EFHB: variants seen among roughly 807,000 people sequenced by gnomAD.
EFHB encodes the protein EF-hand domain-containing family member B.
Under a neutral mutation model 87.2 loss-of-function variants are expected in EFHB, and 91 were observed. The ratio of observed to expected loss-of-function variants is 1.04; its 90% confidence interval spans 0.88 to 1.24. EFHB has a LOEUF of 1.24. Among genes scored for constraint, EFHB ranks in the 50% most tolerant of loss-of-function variants. The probability of loss-of-function intolerance (pLI) is 0.00; values close to 1 mark genes in which losing one functional copy is unlikely to be tolerated. For synonymous variants in EFHB, 325 were observed against 333.6 expected, an observed-to-expected ratio of 0.97 and a Z score of 0.28; for missense variants, 1,084 against 998.8, an observed-to-expected ratio of 1.09 and a Z score of -1.15.
chr3:19,929,241 G>A (rs1695741542), intron 1 of EFHB, among the ~76,000 whole-genome samples: 1 of 148,900 alleles, frequency 6.7e-6, no homozygotes, highest in South Asian at 2.1e-4. Context: ...GTCTCACTAT[G>A]TTGCCCAGGT....
rs1233681633 is a variant in EFHB at position 19,888,468 on chromosome 3, A to G, written c.1909T>C (p.Tyr637His). 9.0e-6 allele frequency: 14 copies of G among 1,559,848 alleles called. No individual in the cohort carries two copies. Among genetic ancestry groups the G allele is most frequent in the Non-Finnish European group, 1.2e-5 (14 of 1,149,268 alleles). Residue 637 changes from tyrosine to histidine, a missense_variant, in exon 10 of 13, where the codon TAT (tyrosine) becomes CAT (histidine). Tyr to His is a moderately conservative substitution (Grantham distance 83, BLOSUM62 2). Transcript: ENST00000295824. The part of the protein sequence containing the change: ...NWKDKMLLKE[Y>H]EERVIIKGRK... Reference sequence around the variant, plus strand: ...CCTTTAATAATGACCCTCTCTTCATACTCTTTAAGAAGCATTTTGTCTTTC... The same window carrying G: ...CCTTTAATAATGACCCTCTCTTCATGCTCTTTAAGAAGCATTTTGTCTTTC...
intron 9 of EFHB, among the ~76,000 whole-genome samples, chr3:19,890,492 T>C (rs1270874045): frequency 6.6e-6 from 1 of 152,170 alleles, no homozygotes. Context: ...TGGGCACAGT[T>C]TGCAGAGAAG....
At chr3:19,882,252 G>T (rs961811345) in intron 12 of EFHB, among the ~76,000 whole-genome samples, 1 of 151,980 alleles carries the variant, frequency 6.6e-6, no homozygotes, top group Non-Finnish European at 1.5e-5. Flanking sequence ...TAAGGAAGGG[G>T]TTGATCCTGT....
intron 2 of EFHB, 136 bp from the exon 3 acceptor site, chr3:19,920,112 T>C (rs1477550410): frequency 1.1e-6 from 1 of 872,312 alleles, no homozygotes; most frequent in East Asian, 2.5e-5. Context: ...CCCCAAATAA[T>C]GAACATCCCC....
At chr3:19,886,885 T>C (rs762904953) in intron 10 of EFHB, among the ~76,000 whole-genome samples, 2 of 151,960 alleles carry the variant, frequency 1.3e-5, no homozygotes, top group African/African-American at 2.4e-5. Context: ...TCTGAGACAA[T>C]AATAACATTC....
chr3:19,925,190 C>T (rs1000179100), intron 1 of EFHB, among the ~76,000 whole-genome samples: 2 of 147,890 alleles, frequency 1.4e-5, no homozygotes, highest in Non-Finnish European at 3.0e-5. Flanking sequence ...TGCAGTGAGC[C>T]GAGATCCGGC....
intron 1 of EFHB, among the ~76,000 whole-genome samples, chr3:19,924,958 T>A (rs1695567577): frequency 1.3e-5 from 2 of 151,992 alleles, no homozygotes; most frequent in Admixed American, 1.3e-4. Flanking sequence ...TAAATAGAGT[T>A]AGGATGGCCG....
intron 5 of EFHB, among the ~76,000 whole-genome samples, chr3:19,914,122 A>G (rs1695148695): frequency 6.6e-6 from 1 of 152,134 alleles, no homozygotes; most frequent in African/African-American, 2.4e-5. Context: ...TTTTTAATTT[A>G]TTTTTTGTAG....
At chr3:19,900,007 A>T (rs571249928) in intron 6 of EFHB, among the ~76,000 whole-genome samples, 2 of 152,308 alleles carry the variant, frequency 1.3e-5, no homozygotes, top group African/African-American at 4.8e-5. Context: ...TGGGAGGCTG[A>T]GGTTGCAGTG....
rs956996648 is a variant in EFHB, at chr3:19,891,050, G to A, written c.1726-2399C>T. On this transcript the variant is annotated intron_variant, in intron 9 of 12. Coordinates refer to ENST00000295824, the MANE Select transcript of EFHB (RefSeq NM_144715.4). ...TCTCAGCTTTACGTGTAAAAGAGTA[G>A]CAATATTTTTGTTGTTGTTATTGCT... is the stretch of plus-strand genomic sequence containing the variant. 3.4e-5 allele frequency among the ~76,000 whole-genome samples: 5 copies of A among 149,062 alleles called. 1 individual carries two copies. Among genetic ancestry groups the A allele is most frequent in the Admixed American group, 2.7e-4 (4 of 15,082 alleles).
intron 2 of EFHB, 51 bp downstream of exon 2, chr3:19,920,454 T>C: frequency 6.9e-7 from 1 of 1,455,750 alleles, no homozygotes; most frequent in South Asian, 1.2e-5. Context: ...TTCCTTAATG[T>C]TCACATAGAA....
intron 5 of EFHB, among the ~76,000 whole-genome samples, chr3:19,907,636 G>A (rs1694884069): frequency 1.3e-5 from 2 of 152,198 alleles, no homozygotes; most frequent in African/African-American, 4.8e-5. Flanking sequence ...TGAGAGCTGA[G>A]AAACCAACAG....
chr3:19,881,745 T>TC (rs1238105844), intron 12 of EFHB, among the ~76,000 whole-genome samples: 2 of 152,128 alleles, frequency 1.3e-5, no homozygotes, highest in African/African-American at 2.4e-5. Context: ...CATCAACCCT[T>TC]CATCTGAAGT....
chr3:19,924,689 T>A (rs532417434), intron 1 of EFHB, among the ~76,000 whole-genome samples: 3 of 152,206 alleles, frequency 2.0e-5, no homozygotes, highest in Non-Finnish European at 4.4e-5. Context: ...TTTAGGATTC[T>A]TCTCATTTTT....
At chr3:19,928,136 C>T (rs1464497605) in intron 1 of EFHB, among the ~76,000 whole-genome samples, 1 of 151,694 alleles carries the variant, frequency 6.6e-6, no homozygotes, top group African/African-American at 2.4e-5. Context: ...TACAAAAATC[C>T]TAGTGAAACA....
intron 6 of EFHB, 113 bp from the exon 7 acceptor site, chr3:19,899,628 T>A: frequency 1.6e-6 from 1 of 627,624 alleles, no homozygotes. Context: ...GGAACAAATG[T>A]AGTTTCAAAA....
chr3:19,934,309 C>G (rs532686334), upstream of EFHB: 5 of 1,236,854 alleles, frequency 4.0e-6, no homozygotes, highest in African/African-American at 7.7e-5. Context: ...TTCTCTCTCT[C>G]TCTCTCAATC....
intron 12 of EFHB, 76 bp downstream of exon 12, chr3:19,882,474 T>C: frequency 7.7e-7 from 1 of 1,297,596 alleles, no homozygotes; most frequent in Non-Finnish European, 1.0e-6. Flanking sequence ...ATATAAAAAT[T>C]CAAGTTTTTA....
At chr3:19,904,980 C>T (rs74777571) in intron 6 of EFHB, among the ~76,000 whole-genome samples, 30,185 of 151,962 alleles carry the variant, frequency 0.2, 3,476 homozygotes, top group Non-Finnish European at 0.25. Flanking sequence ...AACTAATGAC[C>T]CAATTTTGTT....
Sources: gnomAD v4.1 joint callset for allele counts (sites outside exome capture counted in the v4.1 genomes callset) on GRCh38, gnomAD v4.1.1 for gene constraint, MANE v1.5 for transcripts, NCBI Gene and HGNC (gene_info 2026-07-23, HGNC 2026-07-21) for gene names.